PHC3: variants seen among roughly 807,000 people sequenced by gnomAD.
PHC3 encodes polyhomeotic homolog 3.
In PHC3, 13 loss-of-function variants were observed where a neutral mutation model predicts 107.4. That is an observed-to-expected ratio of 0.12 (90% CI 0.08 to 0.19). The LOEUF (loss-of-function observed/expected upper bound fraction) is 0.19. Ranked by LOEUF, PHC3 falls within the 10% of genes least tolerant of loss-of-function variation. PHC3 has a pLI of 1.00. For synonymous variants in PHC3, 456 were observed against 427.4 expected (o/e 1.07, Z -0.83); for missense variants, 992 against 1,210.9 (o/e 0.82, Z 2.68).
chr3:170,106,949 A>G lies in PHC3; in HGVS notation c.2354-3T>C, dbSNP rs747178569. 7 of 1,577,460 alleles carry G rather than the reference A, an allele frequency of 4.4e-6. No homozygotes were observed. ...ACTGTCCATTTCTTCTAATGTCTCT[A>G]AAAAAGAAGGAAACAAAGGAAAAAA... is the stretch of plus-strand genomic sequence containing the variant. On this transcript the variant is annotated splice_polypyrimidine_tract_variant and splice_region_variant and intron_variant, in intron 11 of 14. Coordinates refer to ENST00000495893, the MANE Select transcript of PHC3 (RefSeq NM_024947.4).
At position 170,122,668 on chromosome 3, in the gene PHC3, G is replaced by A; in HGVS notation, c.1865C>T (p.Pro622Leu). 1 of 1,613,900 alleles carries A rather than the reference G, an allele frequency of 6.2e-7. No individual in the cohort carries two copies. The highest frequency in any genetic ancestry group is 8.5e-7 in the Non-Finnish European group (1 of 1,179,812). Reference sequence around the variant, plus strand: ...TGCTGGAGACAAAGTGGGTGGTGGTGGGGTTCTATCCATCCGGACACATTC... The same window carrying A: ...TGCTGGAGACAAAGTGGGTGGTGGTAGGGTTCTATCCATCCGGACACATTC... ...SDECVRMDRT[P>L]PPPTLSPAAI... Residue 622 changes from proline (P) to leucine (L), a missense_variant, in exon 9 of 15, where the codon CCA becomes CTA. By Grantham distance (98) the Pro-to-Leu change is moderately conservative (BLOSUM62 -3). This residue lies in a region of PHC3 where 543 missense variants were observed against 590.8 expected (regional missense o/e 0.92). Transcript: ENST00000495893.
chr3:170,135,219 T>G (rs934361639), intron 7 of PHC3, among the ~76,000 whole-genome samples: 1 of 152,108 alleles, frequency 6.6e-6, no homozygotes, highest in Non-Finnish European at 1.5e-5. Context: ...GGTGCAATCT[T>G]GGCTCACTGC....
intron 2 of PHC3, among the ~76,000 whole-genome samples, chr3:170,177,382 T>C (rs1435960875): frequency 6.6e-6 from 1 of 152,156 alleles, no homozygotes; most frequent in African/African-American, 2.4e-5. Context: ...TATATATATT[T>C]TGAGATGGAG....
Position 170,093,412 on chromosome 3 carries a change from A to G in PHC3, c.*3818T>C, listed in dbSNP as rs533250006. The G allele has an allele frequency of 2.0e-5, 3 of 152,348 alleles. No individual in the cohort carries two copies. Among genetic ancestry groups the G allele is most frequent in the East Asian group, 3.9e-4 (2 of 5,186 alleles). The allele number at this position is 152,348 out of a possible 1,614,324, so 9.4% of individuals were successfully genotyped here. On this transcript the variant is annotated 3_prime_UTR_variant, in exon 15 of 15. Coordinates refer to ENST00000495893, the MANE Select transcript of PHC3 (RefSeq NM_024947.4). Reference sequence around the variant, plus strand: ...TGCAATCCACCAAGGTGAAAACCACAAACTATAACCAGGCTGTTCTGGCTG... The same window carrying G: ...TGCAATCCACCAAGGTGAAAACCACGAACTATAACCAGGCTGTTCTGGCTG...
intron 10 of PHC3, 97 bp downstream of exon 10, chr3:170,117,124 GAAATA>G: frequency 7.1e-7 from 1 of 1,416,360 alleles, no homozygotes. Flanking sequence ...CAACTTTCTT[GAAATA>G]AAATTACAAG....
At chr3:170,102,331 GATC>G (rs1353052781) in intron 14 of PHC3, 145 bp downstream of exon 14, 3 of 1,451,562 alleles carry the variant, frequency 2.1e-6, no homozygotes, top group South Asian at 1.5e-5. Context: ...AGAGGAAACA[GATC>G]ATATTTCAAT....
intron 4 of PHC3, among the ~76,000 whole-genome samples, chr3:170,159,185 G>A (rs1483293162): frequency 1.3e-5 from 2 of 149,318 alleles, no homozygotes; most frequent in Admixed American, 6.7e-5. Flanking sequence ...CTGGGAGGCG[G>A]AGCTTGCAGT....
chr3:170,099,640 C>G (rs1715159009), intron 14 of PHC3, among the ~76,000 whole-genome samples: 1 of 152,140 alleles, frequency 6.6e-6, no homozygotes, highest in Non-Finnish European at 1.5e-5. Context: ...AGGCAAGGAC[C>G]TCTGCACATG....
At chr3:170,177,555 C>CG (rs1411801892) in intron 2 of PHC3, among the ~76,000 whole-genome samples, 1 of 151,866 alleles carries the variant, frequency 6.6e-6, no homozygotes, top group East Asian at 1.9e-4. Flanking sequence ...TTAGTAGAGA[C>CG]GGGGTTTCAC....
intron 6 of PHC3, among the ~76,000 whole-genome samples, chr3:170,137,760 G>A (rs1277226716): frequency 2.6e-5 from 4 of 152,060 alleles, no homozygotes; most frequent in East Asian, 1.9e-4. Flanking sequence ...TTAGCCAGGC[G>A]TGGTGGCACG....
At chr3:170,152,656 A>C in intron 4 of PHC3, among the ~76,000 whole-genome samples, 1 of 149,174 alleles carries the variant, frequency 6.7e-6, no homozygotes, top group Admixed American at 6.7e-5. Flanking sequence ...TCTGTCTTTG[A>C]CACTTTTCTT....
At chr3:170,173,009 G>A (rs1008769451) in intron 2 of PHC3, among the ~76,000 whole-genome samples, 3 of 151,976 alleles carry the variant, frequency 2.0e-5, no homozygotes, top group Non-Finnish European at 4.4e-5. Context: ...TGGCTAACAT[G>A]GTGAAACCCC....
intron 4 of PHC3, among the ~76,000 whole-genome samples, chr3:170,153,545 C>T (rs185990762): frequency 6.6e-5 from 10 of 152,048 alleles, no homozygotes; most frequent in African/African-American, 1.2e-4. Flanking sequence ...GGGCGGATCA[C>T]GAGGTCAGGA....
chr3:170,129,684 G>A, intron 7 of PHC3, 132 bp from the exon 8 acceptor site: 4 of 1,007,810 alleles, frequency 4.0e-6, no homozygotes, highest in South Asian at 1.8e-5. Flanking sequence ...TTCCAAACAA[G>A]AGTAATTTGA....
chr3:170,123,373 A>ACACACACACACG (rs1720723830), intron 8 of PHC3, among the ~76,000 whole-genome samples: 1 of 151,798 alleles, frequency 6.6e-6, no homozygotes, highest in Non-Finnish European at 1.5e-5. Context: ...ACACACACAC[A>ACACACACACACG]CAGCCTAAGC....
At position 170,094,702 on chromosome 3, in the gene PHC3, A is replaced by G. The variant is rs1186977540; in HGVS notation, c.*2528T>C. On this transcript the variant is annotated 3_prime_UTR_variant, in exon 15 of 15. Coordinates refer to ENST00000495893, the MANE Select transcript of PHC3 (RefSeq NM_024947.4). ...ATAGCAAACAAGCCATTTTTAAATA[A>G]AAACTCACTTGAAAAAAGCAAGTGC... 1.3e-5 allele frequency: 2 copies of G among 152,198 alleles called. No homozygotes were observed. Among genetic ancestry groups the G allele is most frequent in the Non-Finnish European group, 2.9e-5 (2 of 68,026 alleles). 9.4% of individuals were successfully genotyped at this position (152,198 alleles called of 1,614,324 possible).
intron 14 of PHC3, among the ~76,000 whole-genome samples, chr3:170,099,328 C>T (rs1264273897): frequency 1.3e-5 from 2 of 152,002 alleles, no homozygotes; most frequent in Non-Finnish European, 2.9e-5. Flanking sequence ...TAGATCACAA[C>T]TTTCTTAAGC....
chr3:170,117,087 G>C (rs746978033), intron 10 of PHC3, 139 bp downstream of exon 10: 16 of 1,070,722 alleles, frequency 1.5e-5, no homozygotes, highest in Middle Eastern at 3.0e-4. Context: ...AAAGGAAGTA[G>C]AAAGATAAAT....
intron 6 of PHC3, among the ~76,000 whole-genome samples, chr3:170,145,095 A>G (rs553867826): frequency 3.9e-5 from 6 of 152,354 alleles, no homozygotes; most frequent in Admixed American, 2.6e-4. Context: ...GGAATACTGC[A>G]AAGGAATCTA....
Sources: allele counts gnomAD v4.1 joint callset (sites outside exome capture counted in the v4.1 genomes callset), GRCh38; gene constraint gnomAD v4.1.1; regional missense constraint gnomAD v4.1.1; transcripts MANE v1.5; gene names NCBI Gene and HGNC (gene_info 2026-07-23, HGNC 2026-07-21).